Variants in RYK observed in about 807,000 individuals in gnomAD.
RYK encodes receptor like tyrosine kinase, also known as inactive tyrosine-protein kinase RYK.
In RYK, 21 loss-of-function variants were observed where a neutral mutation model predicts 70.2. The observed-to-expected ratio is 0.30, with a 90% CI of 0.21 to 0.43. RYK has a LOEUF of 0.43. RYK is among the 20% of genes least tolerant of loss of function. The pLI, the probability that RYK is intolerant of heterozygous loss-of-function variation, is 1.00. For missense variants in RYK, 604 were observed against 753.3 expected, an observed-to-expected ratio of 0.80 and a Z score of 2.32; for synonymous variants, 267 against 278.0, an observed-to-expected ratio of 0.96 and a Z score of 0.39.
At chr3:134,201,844 G>A (rs371120428) in intron 6 of RYK, among the ~76,000 whole-genome samples, 2 of 152,164 alleles carry the variant, frequency 1.3e-5, no homozygotes, top group East Asian at 3.9e-4. Context: ...ACAAAGCTGG[G>A]GCATGTCTTC....
intron 1 of RYK, among the ~76,000 whole-genome samples, chr3:134,243,334 T>C (rs934934377): frequency 2.0e-5 from 3 of 152,156 alleles, no homozygotes; most frequent in Admixed American, 1.3e-4. Flanking sequence ...TCAACTGCCT[T>C]AGTTGATCCC....
intron 1 of RYK, among the ~76,000 whole-genome samples, chr3:134,224,834 GTTTTTT>G (rs1306493003): frequency 6.6e-6 from 1 of 152,188 alleles, no homozygotes; most frequent in Non-Finnish European, 1.5e-5. Flanking sequence ...GTATGGCCTG[GTTTTTT>G]CTAGGTTGTA....
At chr3:134,198,066 C>T (rs2013869331) in intron 6 of RYK, among the ~76,000 whole-genome samples, 1 of 152,148 alleles carries the variant, frequency 6.6e-6, no homozygotes, top group Admixed American at 6.5e-5. Context: ...AATTAGGGAC[C>T]TACCCCTGAC....
chr3:134,159,417 C>A, intron 13 of RYK, 44 bp from the exon 14 acceptor site: 1 of 1,537,508 alleles, frequency 6.5e-7, no homozygotes, highest in East Asian at 2.3e-5. Context: ...TTTAAAACAA[C>A]AGTCAGGGGG....
At chr3:134,238,295 A>T (rs542904761) in intron 1 of RYK, among the ~76,000 whole-genome samples, 4 of 152,204 alleles carry the variant, frequency 2.6e-5, no homozygotes, top group Non-Finnish European at 5.9e-5. Context: ...TCTCTGCCAC[A>T]TTCTTCAGCA....
intron 1 of RYK, among the ~76,000 whole-genome samples, chr3:134,244,973 G>C (rs1257944188): frequency 6.6e-6 from 1 of 152,144 alleles, no homozygotes; most frequent in Non-Finnish European, 1.5e-5. Flanking sequence ...CATAAACCAG[G>C]AAGAGGGCTC....
At chr3:134,180,029 G>T (rs2013241182) in intron 10 of RYK, 1 of 152,166 alleles carries the variant, frequency 6.6e-6, no homozygotes, top group Non-Finnish European at 1.5e-5. Context: ...TAAGAAGAGT[G>T]AATGAAAGCA....
At chr3:134,219,144 C>T (rs1279994370) in intron 2 of RYK, among the ~76,000 whole-genome samples, 1 of 152,002 alleles carries the variant, frequency 6.6e-6, no homozygotes, top group African/African-American at 2.4e-5. Flanking sequence ...ACAGCTATAC[C>T]AAGGCTTCTC....
chr3:134,201,197 T>C (rs918458993), intron 6 of RYK, among the ~76,000 whole-genome samples: 3 of 152,236 alleles, frequency 2.0e-5, no homozygotes, highest in African/African-American at 7.2e-5. Context: ...ACCACCATCA[T>C]GTACACAAAA....
At chr3:134,206,711 G>A (rs955248377) in intron 5 of RYK, among the ~76,000 whole-genome samples, 1 of 152,066 alleles carries the variant, frequency 6.6e-6, no homozygotes, top group Non-Finnish European at 1.5e-5. Flanking sequence ...CTGATGCCTG[G>A]GATGTGCCTG....
At chr3:134,244,159 CT>C (rs771949924) in intron 1 of RYK, among the ~76,000 whole-genome samples, 17 of 152,150 alleles carry the variant, frequency 1.1e-4, no homozygotes, top group Non-Finnish European at 1.8e-4. Context: ...CCCCTGACCC[CT>C]ATCACCACCA....
rs151217261 is a variant in RYK, at chr3:134,190,605, T to G, written c.1015+1244A>C. On this transcript the variant is annotated intron_variant, in intron 8 of 14. Transcript: ENST00000623711. The stretch of plus-strand genomic sequence containing the variant: ...ATTGTTTTCTTTGCATTTATCAGAT[T>G]TCCAGTGAACCTGACCACCTTTTTA... Among the ~76,000 whole-genome samples, 699 of 152,248 alleles carry G rather than the reference T, an allele frequency of 4.6e-3. 2 individuals are homozygous for G. Among genetic ancestry groups the G allele is most frequent in the African/African-American group, 0.016 (669 of 41,544 alleles).
intron 14 of RYK, among the ~76,000 whole-genome samples, chr3:134,158,580 T>C (rs1355374343): frequency 6.6e-6 from 1 of 152,178 alleles, no homozygotes; most frequent in Non-Finnish European, 1.5e-5. Flanking sequence ...GAAAAGAACT[T>C]GGAGGAAGAG....
chr3:134,164,767 A>T (rs2012601690), intron 13 of RYK, among the ~76,000 whole-genome samples: 1 of 152,266 alleles, frequency 6.6e-6, no homozygotes, highest in African/African-American at 2.4e-5. Context: ...AAATGACTGA[A>T]TATGGTACAT....
chr3:134,230,327 C>T (rs960349752), intron 1 of RYK, among the ~76,000 whole-genome samples: 7 of 152,166 alleles, frequency 4.6e-5, no homozygotes, highest in South Asian at 4.1e-4. Context: ...GTGATCCATC[C>T]GCCTCGGCCT....
intron 5 of RYK, among the ~76,000 whole-genome samples, chr3:134,205,522 A>G (rs1560016107): frequency 6.6e-6 from 1 of 152,128 alleles, no homozygotes; most frequent in East Asian, 1.9e-4. Flanking sequence ...TTCTGGAGGC[A>G]TATGTTAGCA....
intron 1 of RYK, among the ~76,000 whole-genome samples, chr3:134,233,446 TG>T (rs1231240411): frequency 1.3e-5 from 2 of 152,180 alleles, no homozygotes; most frequent in Admixed American, 6.5e-5. Flanking sequence ...TTATACTCTT[TG>T]ACCCAATAAT....
chr3:134,206,627 T>C (rs1447697681), intron 5 of RYK, among the ~76,000 whole-genome samples: 1 of 152,106 alleles, frequency 6.6e-6, no homozygotes. Context: ...TGAATAGGTA[T>C]TAGGTGATTG....
intron 8 of RYK, among the ~76,000 whole-genome samples, chr3:134,189,737 C>G (rs1364657745): frequency 2.3e-5 from 2 of 86,030 alleles, no homozygotes; most frequent in Non-Finnish European, 4.7e-5. Context: ...AACGAGACTC[C>G]GCCAAAAAAA....
Sources: gnomAD v4.1 joint callset for allele counts (sites outside exome capture counted in the v4.1 genomes callset) on GRCh38, gnomAD v4.1.1 for gene constraint, MANE v1.5 for transcripts, NCBI Gene and HGNC (gene_info 2026-07-23, HGNC 2026-07-21) for gene names.